Variants in CHST11 observed in about 807,000 individuals in gnomAD.
The protein encoded by CHST11 is carbohydrate sulfotransferase 11, also known as C4S-1.
Under a neutral mutation model 30.4 loss-of-function variants are expected in CHST11, and 9 were observed. That is an observed-to-expected ratio of 0.30 (90% CI 0.18 to 0.52). The LOEUF (loss-of-function observed/expected upper bound fraction) is 0.52, where lower values mean the gene tolerates loss of function less well. Among genes scored for constraint, CHST11 ranks in the 20% least tolerant of loss-of-function variants. CHST11 has a pLI of 0.97. For missense variants in CHST11, 348 were observed against 460.6 expected (o/e 0.76, Z 2.24); for synonymous variants, 152 against 187.8 (o/e 0.81, Z 1.56).
chr12:104,571,432 G>A (rs2038625122), intron 1 of CHST11, among the ~76,000 whole-genome samples: 1 of 152,136 alleles, frequency 6.6e-6, no homozygotes, highest in Non-Finnish European at 1.5e-5. Context: ...CAAAGTGCTG[G>A]GATTACAGGT....
intron 1 of CHST11, among the ~76,000 whole-genome samples, chr12:104,480,783 C>T (rs1021419539): frequency 3.9e-5 from 6 of 152,130 alleles, no homozygotes; most frequent in Non-Finnish European, 7.4e-5. Context: ...AAGAAAGGAT[C>T]CTTCTCTAGA....
intron 1 of CHST11, among the ~76,000 whole-genome samples, chr12:104,565,537 G>C (rs1001317279): frequency 1.3e-5 from 2 of 152,092 alleles, no homozygotes; most frequent in East Asian, 3.9e-4. Flanking sequence ...AAAGTGCTGG[G>C]ATTACAGGCA....
At position 104,613,544 on chromosome 12, in the gene CHST11, T is replaced by C. The variant is rs565111248; in HGVS notation, c.204+11553T>C. On this transcript the variant is annotated intron_variant, in intron 2 of 2. Coordinates refer to ENST00000303694, the MANE Select transcript of CHST11 (RefSeq NM_018413.6). ...GATAGTGAGTGAGTTCTCATGGGAATTGGTTGTTTGAAAGTGTGTAGCACC... is the reference window on the plus strand; with the variant it reads ...GATAGTGAGTGAGTTCTCATGGGAACTGGTTGTTTGAAAGTGTGTAGCACC... 3.5e-4 allele frequency among the ~76,000 whole-genome samples: 54 copies of C among 152,188 alleles called. No homozygotes were observed. In the South Asian group the frequency reaches 7.5e-3, roughly 21 times the overall value.
intron 2 of CHST11, among the ~76,000 whole-genome samples, chr12:104,610,934 A>G (rs1353854895): frequency 6.6e-6 from 1 of 152,222 alleles, no homozygotes; most frequent in East Asian, 1.9e-4. Flanking sequence ...ATTAGAAAAT[A>G]TACAGAATCC....
chr12:104,732,982 G>A (rs143361740), intron 2 of CHST11, among the ~76,000 whole-genome samples: 12 of 152,346 alleles, frequency 7.9e-5, no homozygotes, highest in East Asian at 1.9e-4. Context: ...GACATGCATC[G>A]TCTCACTTAA....
intron 2 of CHST11, among the ~76,000 whole-genome samples, chr12:104,724,688 A>T (rs1592859995): frequency 6.6e-6 from 1 of 150,974 alleles, no homozygotes; most frequent in Admixed American, 6.6e-5. Flanking sequence ...TTGCTGGAGG[A>T]CTCCCTTAGT....
chr12:104,525,005 T>C (rs368111818), intron 1 of CHST11, among the ~76,000 whole-genome samples: 4 of 152,152 alleles, frequency 2.6e-5, no homozygotes, highest in East Asian at 1.9e-4. Context: ...CTTGTAGTTT[T>C]AAACAGAAAA....
At chr12:104,747,500 A>T (rs1429189462) in intron 2 of CHST11, among the ~76,000 whole-genome samples, 1 of 152,128 alleles carries the variant, frequency 6.6e-6, no homozygotes, top group Admixed American at 6.6e-5. Flanking sequence ...GTCTTCGGTG[A>T]TTCCTCATGA....
chr12:104,671,196 T>C (rs2039693435), intron 2 of CHST11, among the ~76,000 whole-genome samples: 1 of 152,184 alleles, frequency 6.6e-6, no homozygotes, highest in Non-Finnish European at 1.5e-5. Flanking sequence ...GGGCACACCC[T>C]CCTCCGCAAA....
chr12:104,508,461 CT>C (rs1382968014), intron 1 of CHST11, among the ~76,000 whole-genome samples: 1 of 152,212 alleles, frequency 6.6e-6, no homozygotes, highest in Non-Finnish European at 1.5e-5. Flanking sequence ...TAGATGTTTG[CT>C]TTTGTAAAGC....
chr12:104,723,778 C>T (rs553442949), intron 2 of CHST11, among the ~76,000 whole-genome samples: 5 of 152,154 alleles, frequency 3.3e-5, no homozygotes, highest in Non-Finnish European at 5.9e-5. Flanking sequence ...GAAGACCGAG[C>T]GATTGGACTG....
At chr12:104,546,117 T>G (rs1253603872) in intron 1 of CHST11, among the ~76,000 whole-genome samples, 1 of 152,096 alleles carries the variant, frequency 6.6e-6, no homozygotes, top group Non-Finnish European at 1.5e-5. Flanking sequence ...CATTGTTGAA[T>G]CATAAGTGAT....
chr12:104,607,526 A>AG (rs929977526), intron 2 of CHST11, among the ~76,000 whole-genome samples: 21 of 152,130 alleles, frequency 1.4e-4, no homozygotes, highest in African/African-American at 5.1e-4. Context: ...TTAGCCTCTG[A>AG]GGGGCGGTGC....
intron 1 of CHST11, among the ~76,000 whole-genome samples, chr12:104,573,359 C>T (rs2038648944): frequency 6.6e-6 from 1 of 152,126 alleles, no homozygotes; most frequent in Non-Finnish European, 1.5e-5. Flanking sequence ...GAAAAAACTA[C>T]TTTAAAGTTC....
Position 104,706,355 on chromosome 12 carries a change from G to T in CHST11, c.205-50594G>T, listed in dbSNP as rs534344575. ...GCCGAGATTGCACCACTGCACTCCAGCCTGGGCAACAGAATGAGACTGTCT... is the reference window on the plus strand; with the variant it reads ...GCCGAGATTGCACCACTGCACTCCATCCTGGGCAACAGAATGAGACTGTCT... On this transcript the variant is annotated intron_variant, in intron 2 of 2. Transcript: ENST00000303694. Among the ~76,000 whole-genome samples, 36 of 148,000 alleles carry T rather than the reference G, an allele frequency of 2.4e-4. No homozygotes were observed. In the South Asian group the frequency reaches 6.6e-3, roughly 27 times the overall value.
At position 104,758,963 on chromosome 12, in the gene CHST11, C is replaced by T. The variant is rs892372968; in HGVS notation, c.*1160C>T. On this transcript the variant is annotated 3_prime_UTR_variant, in exon 3 of 3. Coordinates refer to ENST00000303694, the MANE Select transcript of CHST11 (RefSeq NM_018413.6). ...GTGGAAGAGTGCTGTGGTTGATTAG[C>T]AATGTCTGCCTTGGGTGAGGAAAGG... 6.6e-6 allele frequency: 1 copy of T among 152,180 alleles called. No homozygotes were observed. Among genetic ancestry groups the T allele is most frequent in the Non-Finnish European group, 1.5e-5 (1 of 68,076 alleles). The allele number at this position is 152,180 out of a possible 1,614,324, so 9.4% of individuals were successfully genotyped here. A position where few individuals can be genotyped will look rare whatever the true frequency, so the allele number is the denominator to read the frequency against.
At chr12:104,505,634 T>C (rs7312273) in intron 1 of CHST11, among the ~76,000 whole-genome samples, 99,753 of 152,100 alleles carry the variant, frequency 0.66, 33,365 homozygotes, top group African/African-American at 0.79. Context: ...GGACAAGTTA[T>C]TTTAACCTCT....
chr12:104,641,487 C>T (rs2039376658), intron 2 of CHST11, among the ~76,000 whole-genome samples: 1 of 152,138 alleles, frequency 6.6e-6, no homozygotes, highest in African/African-American at 2.4e-5. Context: ...CCTGTGTTCC[C>T]CCTCCTCTGA....
chr12:104,736,247 C>T (rs936660240), intron 2 of CHST11, among the ~76,000 whole-genome samples: 3 of 152,090 alleles, frequency 2.0e-5, no homozygotes, highest in African/African-American at 4.8e-5. Context: ...GGGGAAAGAA[C>T]ATTCCATGGA....
Sources: allele counts gnomAD v4.1 joint callset (sites outside exome capture counted in the v4.1 genomes callset), GRCh38; gene constraint gnomAD v4.1.1; transcripts MANE v1.5; gene names NCBI Gene and HGNC (gene_info 2026-07-23, HGNC 2026-07-21).